The following PCM1 variants were observed in gnomAD, a reference collection of about 807,000 sequenced individuals.
PCM1 encodes the protein pericentriolar material 1 protein.
A neutral mutation model predicts 241.9 loss-of-function variants in PCM1; 157 were observed. The observed-to-expected ratio is 0.65, with a 90% confidence interval of 0.57 to 0.74. The LOEUF is 0.74. Ranked by LOEUF, PCM1 falls within the 30% of genes least tolerant of loss-of-function variation. PCM1 has a pLI of 0.00. For missense variants in PCM1, 3,478 were observed against 2,360.1 expected, an observed-to-expected ratio of 1.47 and a Z score of -9.81; for synonymous variants, 1,085 against 784.9, an observed-to-expected ratio of 1.38 and a Z score of -6.39.
chr8:17,991,770 G>C (rs1406654687), intron 28 of PCM1, 70 bp downstream of exon 28: 3 of 1,166,200 alleles, frequency 2.6e-6, no homozygotes, highest in South Asian at 3.0e-5. Context: ...AAGTTCTTTA[G>C]TGGTGATTTC....
At chr8:17,969,877 G>A (rs1181934602) in intron 22 of PCM1, 129 bp downstream of exon 22, 8 of 697,890 alleles carry the variant, frequency 1.1e-5, no homozygotes, top group African/African-American at 1.1e-4. Flanking sequence ...TTGGAAATAT[G>A]AAACTTTGAC....
chr8:18,009,511 CTGTCTTTAAAAATTA>C, intron 30 of PCM1, 21 bp from the exon 31 acceptor site: 1 of 1,346,176 alleles, frequency 7.4e-7, no homozygotes, highest in Non-Finnish European at 1.0e-6. Flanking sequence ...TTGAAGTTTA[CTGTCTTTAAAAATTA>C]TTTGGTTTAT....
intron 7 of PCM1, among the ~76,000 whole-genome samples, chr8:17,948,201 C>G (rs918014877): frequency 2.0e-5 from 3 of 151,744 alleles, no homozygotes; most frequent in East Asian, 3.9e-4. Context: ...TTCTGCTGTC[C>G]AAACCTAGCC....
At position 18,011,276 on chromosome 8, in the gene PCM1, T is replaced by C. The variant is rs761385990; in HGVS notation, c.5260T>C (p.Ser1754Pro). The C allele has an allele frequency of 4.4e-6, 7 of 1,606,820 alleles. No homozygotes were observed. The highest frequency in any genetic ancestry group is 1.1e-5 in the South Asian group (1 of 89,506). The change falls in exon 33 of 39, where the codon TCT becomes CCT. Residue 1754 changes from serine (S) to proline (P), a missense_variant. By Grantham distance (74) the Ser-to-Pro change is moderately conservative. Transcript: ENST00000325083. The stretch of plus-strand genomic sequence containing the variant: ...TGAAACAGTTAAGCAGACTCAAACA[T>C]CTGAGGTGTATGATGGTCCCAAAAA... ...ETETVKQTQT[S>P]EVYDGPKNVR...
chr8:18,020,482 G>A (rs2093664035), intron 36 of PCM1, among the ~76,000 whole-genome samples: 1 of 152,130 alleles, frequency 6.6e-6, no homozygotes, highest in South Asian at 2.1e-4. Context: ...ATGTCAGTCT[G>A]CTTAACCCTA....
At chr8:17,949,813 G>A (rs2065315689) in intron 7 of PCM1, among the ~76,000 whole-genome samples, 1 of 152,102 alleles carries the variant, frequency 6.6e-6, no homozygotes, top group Non-Finnish European at 1.5e-5. Flanking sequence ...GTCTGTTTTA[G>A]AGTTGGAGAG....
intron 4 of PCM1, among the ~76,000 whole-genome samples, chr8:17,937,977 T>C (rs983897386): frequency 1.3e-5 from 2 of 152,184 alleles, no homozygotes; most frequent in African/African-American, 4.8e-5. Flanking sequence ...TATTGAACAC[T>C]TAACTGTATA....
intron 26 of PCM1, among the ~76,000 whole-genome samples, chr8:17,988,716 A>C (rs2083437622): frequency 6.6e-6 from 1 of 151,930 alleles, no homozygotes; most frequent in Admixed American, 6.6e-5. Context: ...CAGGCACTTA[A>C]TGAAAGAAGA....
At chr8:17,963,936 T>A (rs1286734526) in intron 17 of PCM1, among the ~76,000 whole-genome samples, 2 of 152,158 alleles carry the variant, frequency 1.3e-5, no homozygotes, top group African/African-American at 2.4e-5. Context: ...ATTCTTGGGG[T>A]CCCAATATGC....
chr8:17,949,329 TTAAC>T lies in PCM1; in HGVS notation c.962-1281_962-1278del, dbSNP rs567685537. Among the ~76,000 whole-genome samples, 47 of 152,184 alleles carry T rather than the reference TTAAC, an allele frequency of 3.1e-4. 1 individual carries two copies. In the South Asian group the frequency reaches 9.1e-3, roughly 30 times the overall value. On this transcript the variant is annotated intron_variant, in intron 7 of 38. Coordinates refer to ENST00000325083, the MANE Select transcript of PCM1 (RefSeq NM_006197.4). ...CCTCAAAGAGTGTCCCTTTCACCATTTAACTAACAAGTTACATATAATTACTGTA... is the reference window on the plus strand; with the variant it reads ...CCTCAAAGAGTGTCCCTTTCACCATTTAACAAGTTACATATAATTACTGTA...
chr8:17,952,367 G>A (rs980397318), intron 8 of PCM1, among the ~76,000 whole-genome samples: 2 of 152,036 alleles, frequency 1.3e-5, no homozygotes, highest in African/African-American at 4.8e-5. Flanking sequence ...ATTTTTGAAG[G>A]TTTATTTTAT....
intron 22 of PCM1, among the ~76,000 whole-genome samples, chr8:17,970,873 T>C (rs1421927135): frequency 2.0e-5 from 3 of 152,202 alleles, no homozygotes; most frequent in Non-Finnish European, 4.4e-5. Flanking sequence ...ATCTCAACTA[T>C]TGTAATTTCA....
chr8:17,933,739 C>T (rs895552331), intron 2 of PCM1, among the ~76,000 whole-genome samples: 3 of 152,098 alleles, frequency 2.0e-5, no homozygotes, highest in African/African-American at 4.8e-5. Context: ...AATACCTACT[C>T]TTTAAGAATA....
intron 2 of PCM1, among the ~76,000 whole-genome samples, chr8:17,929,001 A>G (rs117001510): frequency 0.02 from 3,057 of 152,218 alleles, 43 homozygotes; most frequent in Non-Finnish European, 0.031. Context: ...AACTTTCCTT[A>G]TGACCGTCTG....
chr8:18,018,515 A>G (rs148397232), intron 36 of PCM1, among the ~76,000 whole-genome samples: 111 of 152,308 alleles, frequency 7.3e-4, no homozygotes, highest in African/African-American at 2.5e-3. Flanking sequence ...ACTTGTCTCT[A>G]TAATACTATA....
At chr8:17,975,126 T>C (rs1357823416) in intron 23 of PCM1, among the ~76,000 whole-genome samples, 2 of 152,212 alleles carry the variant, frequency 1.3e-5, no homozygotes, top group African/African-American at 4.8e-5. Context: ...TATGAAGATA[T>C]GTACGTGAAA....
chr8:18,009,946 G>A (rs180871408), intron 31 of PCM1, among the ~76,000 whole-genome samples: 1 of 152,156 alleles, frequency 6.6e-6, no homozygotes, highest in African/African-American at 2.4e-5. Flanking sequence ...TCAGGAATGC[G>A]GGCAGGAATT....
At chr8:17,982,388 C>A (rs2081164760) in intron 24 of PCM1, among the ~76,000 whole-genome samples, 1 of 151,956 alleles carries the variant, frequency 6.6e-6, no homozygotes, top group Non-Finnish European at 1.5e-5. Flanking sequence ...ACTTCAGGCC[C>A]TATTACTGTT....
At chr8:17,969,392 T>A (rs2076115935) in intron 21 of PCM1, 185 bp from the exon 22 acceptor site, 1 of 511,810 alleles carries the variant, frequency 2.0e-6, no homozygotes, top group Non-Finnish European at 3.4e-6. Flanking sequence ...CTTTGACCAA[T>A]GCCTAAAACA....
Sources: allele counts gnomAD v4.1 joint callset (sites outside exome capture counted in the v4.1 genomes callset), GRCh38; gene constraint gnomAD v4.1.1; transcripts MANE v1.5; gene names NCBI Gene and HGNC (gene_info 2026-07-23, HGNC 2026-07-21).